Variants in LRRC3C observed in about 807,000 individuals in gnomAD.
LRRC3C encodes leucine-rich repeat-containing protein 3C.
LRRC3C carries 11 observed loss-of-function variants against 14.8 expected under a neutral mutation model. That is an observed-to-expected ratio of 0.74 (90% confidence interval 0.47 to 1.23). LRRC3C has a LOEUF of 1.23. LRRC3C is among the 50% of genes most tolerant of loss of function. The pLI is 0.00. For missense variants in LRRC3C, 354 were observed against 361.8 expected, an observed-to-expected ratio of 0.98 and a Z score of 0.18; for synonymous variants, 149 against 161.5, an observed-to-expected ratio of 0.92 and a Z score of 0.59.
intron 3 of LRRC3C, 61 bp downstream of exon 3, chr17:39,941,610 T>C (rs1192197724): frequency 5.4e-6 from 8 of 1,472,058 alleles, no homozygotes; most frequent in African/African-American, 2.8e-5. Flanking sequence ...TCCACCTCTC[T>C]GACCTGGCAG....
Position 39,944,796 on chromosome 17 carries a change from C to T in LRRC3C, c.*62C>T. On this transcript the variant is annotated 3_prime_UTR_variant, in exon 4 of 4. Coordinates refer to ENST00000377924, the MANE Select transcript of LRRC3C (RefSeq NM_001195545.2). ...CTGCCCCTATGCCCTCTCCTTTGCT[C>T]TGACCCCCTCTGCCTCCTGTGCAGC... is the stretch of plus-strand genomic sequence containing the variant. The T allele has an allele frequency of 1.4e-6, 2 of 1,445,106 alleles. No individual in the cohort carries two copies. Among genetic ancestry groups the T allele is most frequent in the East Asian group, 5.0e-5 (2 of 40,346 alleles). 89.5% of individuals were successfully genotyped at this position (1,445,106 alleles called of 1,614,324 possible).
intron 1 of LRRC3C, among the ~76,000 whole-genome samples, chr17:39,930,319 G>A: frequency 8.6e-6 from 1 of 115,956 alleles, no homozygotes; most frequent in African/African-American, 3.2e-5. Flanking sequence ...GAGGGGGAGA[G>A]ACTTACAGAT....
At chr17:39,937,337 G>T (rs761216510) in intron 2 of LRRC3C, among the ~76,000 whole-genome samples, 47 of 152,252 alleles carry the variant, frequency 3.1e-4, no homozygotes, top group Middle Eastern at 6.8e-3. Flanking sequence ...TCCGGAGGCT[G>T]AGGCAGGAGA....
chr17:39,931,183 A>G (rs1339687546), intron 1 of LRRC3C, among the ~76,000 whole-genome samples: 1 of 150,612 alleles, frequency 6.6e-6, no homozygotes, highest in Non-Finnish European at 1.5e-5. Flanking sequence ...GCGTTGGATC[A>G]CACCTGTAAT....
chr17:39,936,816 C>A (rs991969827), intron 2 of LRRC3C, among the ~76,000 whole-genome samples: 1 of 149,548 alleles, frequency 6.7e-6, no homozygotes, highest in Non-Finnish European at 1.5e-5. Flanking sequence ...GACCCCGTCT[C>A]GAAAAAAATA....
intron 1 of LRRC3C, among the ~76,000 whole-genome samples, chr17:39,932,788 G>A (rs1352747463): frequency 2.7e-5 from 4 of 148,726 alleles, no homozygotes; most frequent in Non-Finnish European, 6.0e-5. Flanking sequence ...ATGGTGGCTA[G>A]CGCCTGTAAT....
chr17:39,944,366 C>G lies in LRRC3C; in HGVS notation c.460C>G (p.Gln154Glu), dbSNP rs1422727134. ...PVEAFVGLQI[Q>E]VNLSANPWHC... ...GGAGGCCTTTGTGGGGCTACAGATC[C>G]AAGTGAACCTATCCGCAAACCCATG... is the stretch of plus-strand genomic sequence containing the variant. Residue 154 changes from glutamine to glutamate, a missense_variant, in exon 4 of 4, where the codon CAA (glutamine) becomes GAA (glutamate). Physicochemically the swap from Gln to Glu is conservative, Grantham distance 29. Coordinates refer to ENST00000377924, the MANE Select transcript of LRRC3C (RefSeq NM_001195545.2). 5 of 1,532,522 alleles carry G rather than the reference C, an allele frequency of 3.3e-6. No individual in the cohort carries two copies. The highest frequency in any genetic ancestry group is 4.4e-6 in the Non-Finnish European group (5 of 1,145,426). The allele number at this position is 1,532,522 out of a possible 1,614,324, so 94.9% of individuals were successfully genotyped here.
Position 39,944,568 on chromosome 17 carries a change from C to T in LRRC3C, c.662C>T (p.Thr221Ile). 6.5e-7 allele frequency: 1 copy of T among 1,530,922 alleles called. No homozygotes were observed. Among genetic ancestry groups the T allele is most frequent in the Non-Finnish European group, 8.7e-7 (1 of 1,144,204 alleles). The allele number at this position is 1,530,922 out of a possible 1,614,324, so 94.8% of individuals were successfully genotyped here. Residue 221 changes from threonine to isoleucine, a missense_variant, in exon 4 of 4, where the codon ACC becomes ATC. Coordinates refer to ENST00000377924, the MANE Select transcript of LRRC3C (RefSeq NM_001195545.2). ...GSGWGGARRS[T>I]DVALLVTMGG... ...GGGTGGGGTGGGGCCCGGAGGAGCACCGATGTGGCCCTGCTGGTCACCATG... is the reference window on the plus strand; with the variant it reads ...GGGTGGGGTGGGGCCCGGAGGAGCATCGATGTGGCCCTGCTGGTCACCATG...
At chr17:39,939,530 C>A in intron 2 of LRRC3C, 1 of 470,316 alleles carries the variant, frequency 2.1e-6, no homozygotes, top group Non-Finnish European at 2.8e-6. Flanking sequence ...GAAGCCCCAG[C>A]ATAACTAATC....
Position 39,944,545 on chromosome 17 carries a change from G to T in LRRC3C, c.639G>T (p.Gly213=). The part of the protein sequence containing the change: ...LAGEEELCGS[G]WGGARRSTDV... Reference sequence around the variant, plus strand: ...GGGAGGAAGAGCTGTGTGGGTCGGGGTGGGGTGGGGCCCGGAGGAGCACCG... The same window carrying T: ...GGGAGGAAGAGCTGTGTGGGTCGGGTTGGGGTGGGGCCCGGAGGAGCACCG... Residue 213 remains glycine, a synonymous_variant, in exon 4 of 4, where the codon GGG becomes GGT. Coordinates refer to ENST00000377924, the MANE Select transcript of LRRC3C (RefSeq NM_001195545.2). The T allele has an allele frequency of 6.6e-7, 1 of 1,517,134 alleles. No homozygotes were observed. The highest frequency in any genetic ancestry group is 8.8e-7 in the Non-Finnish European group (1 of 1,136,208). 94.0% of individuals were successfully genotyped at this position (1,517,134 alleles called of 1,614,324 possible). A position where few individuals can be genotyped will look rare whatever the true frequency, so the allele number is the denominator to read the frequency against.
chr17:39,928,062 G>C (rs1389796521), intron 1 of LRRC3C, among the ~76,000 whole-genome samples: 1 of 152,188 alleles, frequency 6.6e-6, no homozygotes, highest in Non-Finnish European at 1.5e-5. Context: ...TGCCCTGCTG[G>C]GCCCTCCTGG....
chr17:39,934,874 G>T (rs1034489432), intron 1 of LRRC3C: 1 of 152,152 alleles, frequency 6.6e-6, no homozygotes, highest in Non-Finnish European at 1.5e-5. Context: ...TGGGTTATTC[G>T]TGCTCCCCTT....
chr17:39,931,718 C>T (rs1404358415), intron 1 of LRRC3C, among the ~76,000 whole-genome samples: 47 of 136,812 alleles, frequency 3.4e-4, no homozygotes, highest in African/African-American at 1.0e-3. Flanking sequence ...GGTGCAGTTT[C>T]GGCTCACTGC....
chr17:39,931,736 G>A lies in LRRC3C; in HGVS notation c.-175+3922G>A, dbSNP rs935039839. ...GCAGTTTCGGCTCACTGCAACCTCC[G>A]CCTCCCTAGTTCAAGAGATTTTCCT... is the stretch of plus-strand genomic sequence containing the variant. On this transcript the variant is annotated intron_variant, in intron 1 of 3. Coordinates refer to ENST00000377924, the MANE Select transcript of LRRC3C (RefSeq NM_001195545.2). Among the ~76,000 whole-genome samples, 12 of 132,392 alleles carry A rather than the reference G, an allele frequency of 9.1e-5. No individual in the cohort carries two copies. The Admixed American group carries it at 9.2e-4, about 10-fold the overall frequency. 86.9% of individuals were successfully genotyped at this position (132,392 alleles called of 152,430 possible). A position where few individuals can be genotyped will look rare whatever the true frequency, so the allele number is the denominator to read the frequency against.
At chr17:39,933,844 G>A (rs1568117193) in intron 1 of LRRC3C, among the ~76,000 whole-genome samples, 1 of 152,220 alleles carries the variant, frequency 6.6e-6, no homozygotes, top group Non-Finnish European at 1.5e-5. Context: ...AAGGGAGGGT[G>A]GTGAGGTCCT....
At chr17:39,929,124 A>T (rs867269419) in intron 1 of LRRC3C, 1 of 152,202 alleles carries the variant, frequency 6.6e-6, no homozygotes, top group Non-Finnish European at 1.5e-5. Flanking sequence ...CCCCAGCATT[A>T]AGGCAAGAAA....
chr17:39,943,950 G>A lies in LRRC3C; in HGVS notation c.44G>A (p.Gly15Glu), dbSNP rs896315413. 3 of 1,535,944 alleles carry A rather than the reference G, an allele frequency of 2.0e-6. No individual in the cohort carries two copies. The highest frequency in any genetic ancestry group is 1.4e-5 in the African/African-American group (1 of 73,014). Residue 15 changes from glycine (G) to glutamate (E), a missense_variant, in exon 4 of 4, where the codon GGA (glycine) becomes GAA (glutamate). By Grantham distance (98) the Gly-to-Glu change is moderately conservative (BLOSUM62 -2). Transcript: ENST00000377924. ...SSSFVSYCTP[G>E]LCQFMAMLPT... is the part of the protein sequence containing the mutation. ...TTCCCCAGATCCTACTGCACTCCAG[G>A]ACTATGCCAATTTATGGCCATGCTC...
chr17:39,944,128 C>T lies in LRRC3C; in HGVS notation c.222C>T (p.Pro74=). 1 of 1,536,206 alleles carries T rather than the reference C, an allele frequency of 6.5e-7. No individual in the cohort carries two copies. The highest frequency in any genetic ancestry group is 8.7e-7 in the Non-Finnish European group (1 of 1,146,934). The change falls in exon 4 of 4, where the codon CCC becomes CCT. Residue 74 remains proline (P), a synonymous_variant. Coordinates refer to ENST00000377924, the MANE Select transcript of LRRC3C (RefSeq NM_001195545.2). ...GCCAGGCAGGCCTCAGTGCTGTGCC[C>T]TCCGGCATCCCCAATGACACCCGCA... The part of the protein sequence containing the change: ...RCSQAGLSAV[P]SGIPNDTRKL...
At chr17:39,932,690 C>T (rs919090877) in intron 1 of LRRC3C, among the ~76,000 whole-genome samples, 3 of 151,418 alleles carry the variant, frequency 2.0e-5, no homozygotes, top group Non-Finnish European at 4.4e-5. Context: ...GCTAGGAATT[C>T]GAGGCTGCAG....
Sources: gnomAD v4.1 joint callset for allele counts (sites outside exome capture counted in the v4.1 genomes callset) on GRCh38, gnomAD v4.1.1 for gene constraint, MANE v1.5 for transcripts, NCBI Gene and HGNC (gene_info 2026-07-23, HGNC 2026-07-21) for gene names.